Variants in EFCAB8 observed in about 807,000 individuals in gnomAD.
EFCAB8 encodes EF-hand calcium binding domain 8.
A neutral mutation model predicts 116.3 loss-of-function variants in EFCAB8; 100 were observed. The ratio of observed to expected loss-of-function variants is 0.86; its 90% CI spans 0.73 to 1.02. EFCAB8 has a LOEUF of 1.02. EFCAB8 is among the 50% of genes least tolerant of loss of function. The pLI is 0.00. For missense variants in EFCAB8, 1,320 were observed against 1,416.9 expected, an observed-to-expected ratio of 0.93 and a Z score of 1.10; for synonymous variants, 558 against 567.9, an observed-to-expected ratio of 0.98 and a Z score of 0.25.
Position 32,961,612 on chromosome 20 carries a change from T to C in EFCAB8, c.*3T>C. The C allele has an allele frequency of 1.5e-6, 2 of 1,316,138 alleles. No homozygotes were observed. The highest frequency in any genetic ancestry group is 1.9e-6 in the Non-Finnish European group (2 of 1,031,942). 81.5% of individuals were successfully genotyped at this position (1,316,138 alleles called of 1,614,324 possible). ...GGAGCTCCCATGTCAGGTTCTGAGG[T>C]GCTCCGCTGTCTTCTCTAGTCCTCC... is the stretch of plus-strand genomic sequence containing the variant. On this transcript the variant is annotated 3_prime_UTR_variant, in exon 27 of 27. Transcript: ENST00000400522.
At chr20:32,897,222 C>T (rs1317799354) in intron 10 of EFCAB8, among the ~76,000 whole-genome samples, 2 of 152,106 alleles carry the variant, frequency 1.3e-5, no homozygotes, top group Non-Finnish European at 2.9e-5. Context: ...CAGTGTTTAC[C>T]AGCTCCCAGC....
At chr20:32,929,998 T>C (rs1350015751) in intron 20 of EFCAB8, among the ~76,000 whole-genome samples, 2 of 152,218 alleles carry the variant, frequency 1.3e-5, no homozygotes, top group African/African-American at 4.8e-5. Context: ...GATATTTCAC[T>C]ATAGATATAC....
chr20:32,917,032 T>C, intron 17 of EFCAB8: 1 of 430,442 alleles, frequency 2.3e-6, no homozygotes, highest in African/African-American at 2.0e-5. Flanking sequence ...CCTTAATCCT[T>C]ACCTAGGTGT....
chr20:32,917,053 G>T (rs971200505), intron 17 of EFCAB8: 2 of 495,666 alleles, frequency 4.0e-6, no homozygotes, highest in Non-Finnish European at 7.2e-6. Context: ...CTGACTGGGG[G>T]TGTATTACAC....
At chr20:32,878,508 C>CTTT (rs1292839813) in intron 4 of EFCAB8, among the ~76,000 whole-genome samples, 196 bp from the exon 5 acceptor site, 18 of 116,610 alleles carry the variant, frequency 1.5e-4, no homozygotes, top group Non-Finnish European at 2.3e-4. Context: ...GGCTTGAGTT[C>CTTT]TTTTTTTTTT....
In EFCAB8 at chr20:32,939,914, C is replaced by G. The variant is rs1356248312; in HGVS notation, c.2791-3722C>G. Among the ~76,000 whole-genome samples the G allele has an allele frequency of 1.4e-5, 2 of 147,428 alleles. 1 individual carries two copies. Among genetic ancestry groups the G allele is most frequent in the African/African-American group, 5.1e-5 (2 of 39,364 alleles). ...TTTGCCATGTTGGCCAAGCTGGTCTCGAACTCCTGACCTCAGGTGATCCAC... is the reference window on the plus strand; with the variant it reads ...TTTGCCATGTTGGCCAAGCTGGTCTGGAACTCCTGACCTCAGGTGATCCAC... On this transcript the variant is annotated intron_variant, in intron 22 of 26. Coordinates refer to ENST00000400522, the MANE Select transcript of EFCAB8 (RefSeq NM_001143967.2).
intron 7 of EFCAB8, 135 bp downstream of exon 7, chr20:32,889,541 C>A (rs1287878872): frequency 1.2e-6 from 1 of 864,206 alleles, no homozygotes; most frequent in Non-Finnish European, 1.8e-6. Flanking sequence ...GTGGAGAGGC[C>A]TTAGTGCCAA....
intron 9 of EFCAB8, among the ~76,000 whole-genome samples, chr20:32,894,677 T>C (rs904029699): frequency 2.0e-5 from 3 of 152,208 alleles, no homozygotes; most frequent in African/African-American, 7.2e-5. Context: ...TGCTTAACCT[T>C]TCTGTGCCTC....
chr20:32,864,542 A>G (rs987869426), intron 2 of EFCAB8, among the ~76,000 whole-genome samples: 11 of 152,098 alleles, frequency 7.2e-5, no homozygotes, highest in Non-Finnish European at 1.6e-4. Context: ...TGATCTCGCC[A>G]TTGCACTTAT....
intron 23 of EFCAB8, among the ~76,000 whole-genome samples, chr20:32,946,655 T>C (rs1988605149): frequency 6.6e-6 from 1 of 152,236 alleles, no homozygotes; most frequent in Admixed American, 6.5e-5. Flanking sequence ...TTCTGAAGTA[T>C]AATTTACATC....
chr20:32,946,935 A>G (rs1199549400), intron 23 of EFCAB8, among the ~76,000 whole-genome samples: 1 of 152,162 alleles, frequency 6.6e-6, no homozygotes, highest in Non-Finnish European at 1.5e-5. Flanking sequence ...TCAATTTGAG[A>G]TTCATCTTTG....
At chr20:32,889,035 C>A (rs76081170) in intron 6 of EFCAB8, among the ~76,000 whole-genome samples, 2,019 of 152,102 alleles carry the variant, frequency 0.013, 40 homozygotes, top group African/African-American at 0.045. Context: ...CTCACTGCGG[C>A]AAGACTTTGA....
chr20:32,939,130 T>TCTTTCTTC (rs1988260265), intron 22 of EFCAB8, among the ~76,000 whole-genome samples: 1 of 16,810 alleles, frequency 5.9e-5, no homozygotes, highest in Admixed American at 6.3e-4. Context: ...TCTTTCTCTT[T>TCTTTCTTC]CTTTCTTTCT....
chr20:32,901,101 C>T (rs1057154515), intron 11 of EFCAB8, among the ~76,000 whole-genome samples: 3 of 152,192 alleles, frequency 2.0e-5, no homozygotes, highest in African/African-American at 4.8e-5. Context: ...GAATGTCTGA[C>T]GTGAAGGGGA....
intron 24 of EFCAB8, 111 bp downstream of exon 24, chr20:32,958,661 G>A (rs1204383893): frequency 1.3e-5 from 5 of 399,794 alleles, no homozygotes; most frequent in Non-Finnish European, 2.2e-5. Flanking sequence ...AGGCATGGGT[G>A]GGGAGGACCC....
chr20:32,868,886 G>A (rs779224037), intron 3 of EFCAB8, among the ~76,000 whole-genome samples: 9 of 152,156 alleles, frequency 5.9e-5, no homozygotes, highest in Non-Finnish European at 1.2e-4. Context: ...TTGGGAGGCT[G>A]AGGCAAGAGA....
chr20:32,947,168 A>G (rs1226984416), intron 23 of EFCAB8, among the ~76,000 whole-genome samples: 1 of 152,224 alleles, frequency 6.6e-6, no homozygotes, highest in Non-Finnish European at 1.5e-5. Context: ...TTGAAACTTT[A>G]TGAAAAATGA....
intron 3 of EFCAB8, among the ~76,000 whole-genome samples, chr20:32,873,810 CA>C (rs397865341): frequency 4.9e-4 from 68 of 138,660 alleles, no homozygotes; most frequent in South Asian, 9.1e-4. Context: ...AGACTCTGTC[CA>C]AAAAAAAAAA....
At position 32,930,632 on chromosome 20, in the gene EFCAB8, C is replaced by A. The variant is rs1030512202; in HGVS notation, c.2631+16C>A. ...ATACATCAAGGTGAGGAAGAACTGGCAGGAAGATTGAGGGGCTGGTGCCAG... is the reference window on the plus strand; with the variant it reads ...ATACATCAAGGTGAGGAAGAACTGGAAGGAAGATTGAGGGGCTGGTGCCAG... On this transcript the variant is annotated intron_variant, in intron 21 of 26. Coordinates refer to ENST00000400522, the MANE Select transcript of EFCAB8 (RefSeq NM_001143967.2). The A allele has an allele frequency of 4.5e-6, 7 of 1,550,454 alleles. No individual in the cohort carries two copies. The highest frequency in any genetic ancestry group is 6.1e-6 in the Non-Finnish European group (7 of 1,145,946).
Sources: allele counts gnomAD v4.1 joint callset (sites outside exome capture counted in the v4.1 genomes callset), GRCh38; gene constraint gnomAD v4.1.1; transcripts MANE v1.5; gene names NCBI Gene and HGNC (gene_info 2026-07-23, HGNC 2026-07-21).